The following PDZRN4 variants were observed in gnomAD, a reference collection of about 807,000 sequenced individuals.
The protein encoded by PDZRN4 is PDZ domain containing ring finger 4, also known as PDZ domain-containing RING finger protein 4.
Under a neutral mutation model 99.0 loss-of-function variants are expected in PDZRN4, and 70 were observed. That is an observed-to-expected ratio of 0.71 (90% confidence interval 0.58 to 0.86). The LOEUF is 0.86. PDZRN4 is among the 40% of genes least tolerant of loss of function. The pLI, the probability that PDZRN4 is intolerant of heterozygous loss-of-function variation, is 0.00. For missense variants in PDZRN4, 1,474 were observed against 1,331.2 expected, an observed-to-expected ratio of 1.11 and a Z score of -1.67; for synonymous variants, 551 against 501.6, an observed-to-expected ratio of 1.10 and a Z score of -1.32.
chr12:41,506,633 G>A lies in PDZRN4; in HGVS notation c.1021G>A (p.Glu341Lys), dbSNP rs375596291. The stretch of plus-strand genomic sequence containing the variant: ...CAGCACTCAGACGGACATCACCTTC[G>A]AACACATCATGGCTCTGGCCAAGCT... ...NASTQTDITF[E>K]HIMALAKLRP... Residue 341 changes from glutamate (E) to lysine (K), a missense_variant, in exon 4 of 10, where the codon GAA becomes AAA. Glu to Lys is a moderately conservative substitution (Grantham distance 56, BLOSUM62 1). Transcript: ENST00000402685. 32 of 1,613,748 alleles carry A rather than the reference G, an allele frequency of 2.0e-5. No individual in the cohort carries two copies. Among genetic ancestry groups the A allele is most frequent in the African/African-American group, 1.3e-4 (10 of 74,892 alleles).
intron 3 of PDZRN4, among the ~76,000 whole-genome samples, chr12:41,414,251 T>C (rs1160751494): frequency 2.6e-5 from 4 of 152,188 alleles, no homozygotes; most frequent in African/African-American, 9.7e-5. Context: ...ATTTTTTTCT[T>C]TAGCATTAAC....
At chr12:41,379,817 A>G (rs1952110133) in intron 3 of PDZRN4, among the ~76,000 whole-genome samples, 1 of 151,756 alleles carries the variant, frequency 6.6e-6, no homozygotes. Flanking sequence ...AAGAATGTGT[A>G]TTTTGCTTCT....
chr12:41,405,690 A>G (rs1952342363), intron 3 of PDZRN4, among the ~76,000 whole-genome samples: 1 of 152,226 alleles, frequency 6.6e-6, no homozygotes, highest in Non-Finnish European at 1.5e-5. Flanking sequence ...AAGACATGTA[A>G]TCAACCTAAA....
chr12:41,390,536 T>C (rs1213753145), intron 3 of PDZRN4, among the ~76,000 whole-genome samples: 1 of 115,918 alleles, frequency 8.6e-6, no homozygotes, highest in Non-Finnish European at 1.7e-5. Context: ...TTTCACCTGG[T>C]AGTCTGGGGT....
At chr12:41,473,117 C>T (rs1009136596) in intron 3 of PDZRN4, among the ~76,000 whole-genome samples, 2 of 151,642 alleles carry the variant, frequency 1.3e-5, no homozygotes, top group Non-Finnish European at 2.9e-5. Flanking sequence ...TTAAGTAAAG[C>T]CTTATGGAAT....
At chr12:41,197,926 T>TTTTTTTTTTTTTTTTTTTTTTTTC in intron 3 of PDZRN4, among the ~76,000 whole-genome samples, 1 of 140,796 alleles carries the variant, frequency 7.1e-6, no homozygotes, top group African/African-American at 2.7e-5. Context: ...CTGGGTTTTT[T>TTTTTTTTTTTTTTTTTTTTTTTTC]TTTTTGGAGA....
At chr12:41,520,271 C>T (rs1938471131) in intron 5 of PDZRN4, among the ~76,000 whole-genome samples, 1 of 152,096 alleles carries the variant, frequency 6.6e-6, no homozygotes, top group South Asian at 2.1e-4. Flanking sequence ...CCCTCTCTTC[C>T]ATTTGCCTTA....
rs1198820095 is a variant in PDZRN4 at position 41,573,482 on chromosome 12, C to T, written c.2703C>T (p.Ile901=). 16 of 1,613,962 alleles carry T rather than the reference C, an allele frequency of 9.9e-6. No individual in the cohort carries two copies. Among genetic ancestry groups the T allele is most frequent in the Non-Finnish European group, 1.2e-5 (14 of 1,179,998 alleles). The part of the protein sequence containing the change: ...VKIRSDGTRY[I]TKRPVRDRIL... The stretch of plus-strand genomic sequence containing the variant: ...TTAGGAGCGACGGGACACGGTACAT[C>T]ACAAAGAGACCCGTGCGAGACCGAA... Residue 901 remains isoleucine (I), a synonymous_variant, in exon 10 of 10, where the codon ATC becomes ATT. Transcript: ENST00000402685.
At chr12:41,353,327 T>C (rs1329596814) in intron 3 of PDZRN4, among the ~76,000 whole-genome samples, 1 of 152,112 alleles carries the variant, frequency 6.6e-6, no homozygotes, top group African/African-American at 2.4e-5. Flanking sequence ...TTTCTGTTTT[T>C]CCTGTCATCT....
At chr12:41,337,411 AAAG>A (rs1461073846) in intron 3 of PDZRN4, among the ~76,000 whole-genome samples, 2 of 152,102 alleles carry the variant, frequency 1.3e-5, no homozygotes, top group Admixed American at 6.6e-5. Flanking sequence ...TGTGACCCTA[AAAG>A]AAGAAGAAGA....
At chr12:41,299,418 C>T (rs983098238) in intron 3 of PDZRN4, among the ~76,000 whole-genome samples, 20 of 152,150 alleles carry the variant, frequency 1.3e-4, no homozygotes, top group Admixed American at 1.1e-3. Flanking sequence ...TTCTGTTGGA[C>T]GCACAATTTG....
chr12:41,240,584 A>G (rs939403703), intron 3 of PDZRN4, among the ~76,000 whole-genome samples: 8 of 152,206 alleles, frequency 5.3e-5, no homozygotes, highest in African/African-American at 1.7e-4. Flanking sequence ...TCAAGCTGCT[A>G]TAACAAAGTA....
At chr12:41,215,767 T>C (rs1454577749) in intron 3 of PDZRN4, among the ~76,000 whole-genome samples, 1 of 151,952 alleles carries the variant, frequency 6.6e-6, no homozygotes, top group African/African-American at 2.4e-5. Flanking sequence ...TTTTCTCCAC[T>C]TTCTCCCATA....
intron 7 of PDZRN4, among the ~76,000 whole-genome samples, chr12:41,560,761 T>G (rs1475842748): frequency 2.0e-5 from 3 of 152,180 alleles, no homozygotes; most frequent in African/African-American, 7.2e-5. Flanking sequence ...GGTTGAAAGC[T>G]CTATCTGATT....
intron 3 of PDZRN4, among the ~76,000 whole-genome samples, chr12:41,357,267 A>G (rs10880061): frequency 0.37 from 56,593 of 151,632 alleles, 10,635 homozygotes; most frequent in Non-Finnish European, 0.39. Flanking sequence ...TGTTTAGAAC[A>G]CTTATTCTGT....
chr12:41,552,536 A>G, intron 5 of PDZRN4, 120 bp from the exon 6 acceptor site: 1 of 631,398 alleles, frequency 1.6e-6, no homozygotes. Context: ...GTTAATTTCC[A>G]ATGTTGGGCA....
At chr12:41,450,034 A>G (rs1458988892) in intron 3 of PDZRN4, among the ~76,000 whole-genome samples, 1 of 151,996 alleles carries the variant, frequency 6.6e-6, no homozygotes, top group Non-Finnish European at 1.5e-5. Context: ...GATAGTACTA[A>G]AATGAGAATT....
At chr12:41,390,275 A>G (rs1952200498) in intron 3 of PDZRN4, among the ~76,000 whole-genome samples, 1 of 152,114 alleles carries the variant, frequency 6.6e-6, no homozygotes, top group Non-Finnish European at 1.5e-5. Context: ...AGTATAAAAA[A>G]CAACTTTTTA....
rs185074860 is a variant in PDZRN4 at position 41,227,660 on chromosome 12, C to T, written c.843+33472C>T. Among the ~76,000 whole-genome samples, 61 of 151,892 alleles carry T rather than the reference C, an allele frequency of 4.0e-4. 1 individual carries two copies. Among genetic ancestry groups the T allele is most frequent in the Admixed American group, 1.4e-3 (22 of 15,234 alleles). ...ATCCTTGACAACAGAGCCAGACCCT[C>T]TCTCAACAATAACAACAACAACAAC... On this transcript the variant is annotated intron_variant, in intron 3 of 9. Transcript: ENST00000402685.
Sources: gnomAD v4.1 joint callset for allele counts (sites outside exome capture counted in the v4.1 genomes callset) on GRCh38, gnomAD v4.1.1 for gene constraint, MANE v1.5 for transcripts, NCBI Gene and HGNC (gene_info 2026-07-23, HGNC 2026-07-21) for gene names.